ANKHD1: variants seen among roughly 807,000 people sequenced by gnomAD.
ANKHD1 encodes ankyrin repeat and KH domain-containing protein 1.
In ANKHD1, 31 loss-of-function variants were observed where a neutral mutation model predicts 230.5. The observed-to-expected ratio is 0.13, with a 90% CI of 0.10 to 0.18. The LOEUF (loss-of-function observed/expected upper bound fraction) is 0.18. Ranked by LOEUF, ANKHD1 falls within the 10% of genes least tolerant of loss-of-function variation. The pLI is 1.00. For synonymous variants in ANKHD1, 1,074 were observed against 1,117.6 expected, an observed-to-expected ratio of 0.96 and a Z score of 0.78; for missense variants, 2,256 against 3,071.3, an observed-to-expected ratio of 0.73 and a Z score of 6.27.
Position 140,511,103 on chromosome 5 carries a change from C to T in ANKHD1, c.4104+922C>T, listed in dbSNP as rs534680846. Among the ~76,000 whole-genome samples, 11 of 152,250 alleles carry T rather than the reference C, an allele frequency of 7.2e-5. No homozygotes were observed. In the South Asian group the frequency reaches 1.7e-3, roughly 23 times the overall value. On this transcript the variant is annotated intron_variant, in intron 22 of 33. Transcript: ENST00000360839. ...GCCTGCCAAAGTGCTGAGATATGGG[C>T]GTGAGCCATGCCTCTCATATATATT... is the stretch of plus-strand genomic sequence containing the variant.
At chr5:140,443,475 G>A (rs1167992346) in intron 5 of ANKHD1, among the ~76,000 whole-genome samples, 1 of 151,812 alleles carries the variant, frequency 6.6e-6, no homozygotes, top group Non-Finnish European at 1.5e-5. Context: ...AGGATCACGA[G>A]GTCAGGAGAT....
At chr5:140,534,566 A>T (rs1012934434) in intron 29 of ANKHD1, among the ~76,000 whole-genome samples, 1 of 152,222 alleles carries the variant, frequency 6.6e-6, no homozygotes, top group African/African-American at 2.4e-5. Flanking sequence ...AAATGGGTGA[A>T]TTATATGGTA....
In ANKHD1 at chr5:140,406,490, C is replaced by A. The variant is rs1003716648; in HGVS notation, c.306+4217C>A. On this transcript the variant is annotated intron_variant, in intron 1 of 33. Transcript: ENST00000360839. ...ATCAGAGCCAAGAGCTGAGAAAAAACAAGCTACTCTTTCTTGCTGGCCAAG... is the reference window on the plus strand; with the variant it reads ...ATCAGAGCCAAGAGCTGAGAAAAAAAAAGCTACTCTTTCTTGCTGGCCAAG... 7.2e-5 allele frequency among the ~76,000 whole-genome samples: 11 copies of A among 151,874 alleles called. No individual in the cohort carries two copies. The East Asian group carries it at 1.9e-3, about 27-fold the overall frequency.
At position 140,449,321 on chromosome 5, in the gene ANKHD1, A is replaced by G; in HGVS notation, c.1242+16A>G. 1 of 1,609,648 alleles carries G rather than the reference A, an allele frequency of 6.2e-7. No individual in the cohort carries two copies. The highest frequency in any genetic ancestry group is 1.1e-5 in the South Asian group (1 of 90,392). ...GGCCTGCATGGTAATTTTAAATTAC[A>G]CTCACTTGAGATTTTATGGGAAGAA... is the stretch of plus-strand genomic sequence containing the variant. On this transcript the variant is annotated intron_variant, in intron 7 of 33. Coordinates refer to ENST00000360839, the MANE Select transcript of ANKHD1 (RefSeq NM_017747.3).
intron 9 of ANKHD1, among the ~76,000 whole-genome samples, chr5:140,463,080 C>T (rs1016425911): frequency 2.0e-5 from 3 of 152,002 alleles, no homozygotes; most frequent in African/African-American, 4.8e-5. Flanking sequence ...AAGTCTTGGC[C>T]TCAAGCAGTC....
At chr5:140,512,570 C>T (rs748192647) in intron 22 of ANKHD1, among the ~76,000 whole-genome samples, 2 of 152,170 alleles carry the variant, frequency 1.3e-5, no homozygotes, top group Non-Finnish European at 2.9e-5. Context: ...GTCTAGTCCA[C>T]CATCCATTCC....
Position 140,509,622 on chromosome 5 carries a change from T to C in ANKHD1, c.3766-15T>C. ...AGAAATGTAACTTAGTTGCATAATT[T>C]ATTGGTTTAAACAGACGGGTCTTAC... On this transcript the variant is annotated splice_polypyrimidine_tract_variant and intron_variant, in intron 20 of 33. Coordinates refer to ENST00000360839, the MANE Select transcript of ANKHD1 (RefSeq NM_017747.3). 6.7e-7 allele frequency: 1 copy of C among 1,499,852 alleles called. No individual in the cohort carries two copies. The highest frequency in any genetic ancestry group is 8.9e-7 in the Non-Finnish European group (1 of 1,125,046). The allele number at this position is 1,499,852 out of a possible 1,614,324, so 92.9% of individuals were successfully genotyped here. A position where few individuals can be genotyped will look rare whatever the true frequency, so the allele number is the denominator to read the frequency against.
chr5:140,402,255 C>A lies in ANKHD1; in HGVS notation c.288C>A (p.Asp96Glu). ...TGGGGGASGS[D>E]EDEVSEVESF... ...GTGGAGGTGGTGCCTCTGGCAGTGA[C>A]GAGGACGAAGTGTCCGAGGTAAGGC... The change falls in exon 1 of 34, where the codon GAC becomes GAA. Residue 96 changes from aspartate (D) to glutamate (E), a missense_variant. Coordinates refer to ENST00000360839, the MANE Select transcript of ANKHD1 (RefSeq NM_017747.3). The A allele has an allele frequency of 6.7e-7, 1 of 1,499,250 alleles. No homozygotes were observed. Among genetic ancestry groups the A allele is most frequent in the Non-Finnish European group, 8.8e-7 (1 of 1,130,632 alleles). The allele number at this position is 1,499,250 out of a possible 1,614,324, so 92.9% of individuals were successfully genotyped here.
intron 24 of ANKHD1, among the ~76,000 whole-genome samples, chr5:140,523,237 A>G (rs1753442137): frequency 6.7e-6 from 1 of 149,702 alleles, no homozygotes; most frequent in Non-Finnish European, 1.5e-5. Flanking sequence ...CTCCCAAGTA[A>G]CTGGGACTAC....
intron 1 of ANKHD1, among the ~76,000 whole-genome samples, chr5:140,428,057 T>G (rs1400128076): frequency 6.0e-5 from 9 of 151,036 alleles, no homozygotes; most frequent in Admixed American, 5.9e-4. Context: ...GCAGAGACGC[T>G]CCTCACTTCC....
chr5:140,500,482 C>G (rs1333504873), intron 15 of ANKHD1, among the ~76,000 whole-genome samples: 1 of 151,642 alleles, frequency 6.6e-6, no homozygotes, highest in Non-Finnish European at 1.5e-5. Context: ...AAACCCATCT[C>G]TACTAAAATA....
intron 1 of ANKHD1, among the ~76,000 whole-genome samples, chr5:140,416,093 C>T (rs952012468): frequency 1.3e-5 from 2 of 152,148 alleles, no homozygotes; most frequent in African/African-American, 4.8e-5. Flanking sequence ...CAGCTTCATC[C>T]ATGTCCCTAC....
At chr5:140,408,166 G>A (rs929512658) in intron 1 of ANKHD1, among the ~76,000 whole-genome samples, 2 of 152,108 alleles carry the variant, frequency 1.3e-5, no homozygotes, top group African/African-American at 4.8e-5. Context: ...AACAGAGCAA[G>A]ACTCCATCTC....
chr5:140,510,308 T>TC, intron 22 of ANKHD1, 127 bp downstream of exon 22: 2 of 1,039,104 alleles, frequency 1.9e-6, no homozygotes, highest in Non-Finnish European at 2.5e-6. Context: ...ATCTTTCCAT[T>TC]CTTTTTTTTT....
intron 22 of ANKHD1, among the ~76,000 whole-genome samples, chr5:140,511,995 G>A (rs1752791696): frequency 1.3e-5 from 2 of 152,098 alleles, no homozygotes; most frequent in Non-Finnish European, 2.9e-5. Flanking sequence ...CAGCACTTTG[G>A]GAGGCCGAGT....
chr5:140,428,320 C>T (rs1198022052), intron 1 of ANKHD1, among the ~76,000 whole-genome samples: 5 of 152,212 alleles, frequency 3.3e-5, no homozygotes, highest in African/African-American at 7.2e-5. Flanking sequence ...GCCGAGATCA[C>T]GCCACTGCAC....
intron 1 of ANKHD1, among the ~76,000 whole-genome samples, chr5:140,412,006 A>ACACCAC (rs1263216999): frequency 6.6e-6 from 1 of 151,504 alleles, no homozygotes; most frequent in East Asian, 1.9e-4. Flanking sequence ...CCACAGGCGC[A>ACACCAC]CACCACCGTA....
At chr5:140,477,845 T>C (rs1362432947) in intron 10 of ANKHD1, among the ~76,000 whole-genome samples, 2 of 151,972 alleles carry the variant, frequency 1.3e-5, no homozygotes, top group Non-Finnish European at 2.9e-5. Flanking sequence ...CTCGTGACCT[T>C]GTGATCCACC....
At position 140,519,021 on chromosome 5, in the gene ANKHD1, G is replaced by A. The variant is rs567935676; in HGVS notation, c.4318-5045G>A. Reference sequence around the variant, plus strand: ...GTCCCTGTTTGCAGACGACATGATTGTATATCTAGAAAACCCCATTGTCTC... The same window carrying A: ...GTCCCTGTTTGCAGACGACATGATTATATATCTAGAAAACCCCATTGTCTC... On this transcript the variant is annotated intron_variant, in intron 24 of 33. Transcript: ENST00000360839. Among the ~76,000 whole-genome samples the A allele has an allele frequency of 5.9e-5, 9 of 152,280 alleles. No homozygotes were observed. In the East Asian group the frequency reaches 1.5e-3, roughly 26 times the overall value.
Sources: allele counts gnomAD v4.1 joint callset (sites outside exome capture counted in the v4.1 genomes callset), GRCh38; gene constraint gnomAD v4.1.1; transcripts MANE v1.5; gene names NCBI Gene and HGNC (gene_info 2026-07-23, HGNC 2026-07-21).